Variants in RABGAP1L observed in about 807,000 individuals in gnomAD.
RABGAP1L encodes the protein rab GTPase-activating protein 1-like.
In RABGAP1L, 63 loss-of-function variants were observed where a neutral mutation model predicts 137.7. The observed-to-expected ratio is 0.46, with a 90% CI of 0.37 to 0.56. The LOEUF (loss-of-function observed/expected upper bound fraction) is 0.56, where lower values mean the gene tolerates loss of function less well. Ranked by LOEUF, RABGAP1L falls within the 20% of genes least tolerant of loss-of-function variation. The pLI, the probability that RABGAP1L is intolerant of heterozygous loss-of-function variation, is 0.00. For missense variants in RABGAP1L, 1,095 were observed against 1,244.0 expected (o/e 0.88, Z 1.80); for synonymous variants, 431 against 433.7 (o/e 0.99, Z 0.08).
At chr1:174,789,605 C>T (rs1687705344) in intron 18 of RABGAP1L, among the ~76,000 whole-genome samples, 1 of 151,954 alleles carries the variant, frequency 6.6e-6, no homozygotes, top group Admixed American at 6.6e-5. Flanking sequence ...CTCAGCAAAC[C>T]CACAAGTTAC....
At position 174,982,139 on chromosome 1, in the gene RABGAP1L, A is replaced by T. The variant is rs576099865; in HGVS notation, c.2734-695A>T. Among the ~76,000 whole-genome samples, 13 of 151,858 alleles carry T rather than the reference A, an allele frequency of 8.6e-5. No individual in the cohort carries two copies. In the South Asian group the frequency reaches 2.3e-3, roughly 27 times the overall value. On this transcript the variant is annotated intron_variant, in intron 23 of 25. Transcript: ENST00000681986. ...TTAACTTTGTTTTATCCACTCTGCC[A>T]CCTTTTTTTAATACCTTAAATTCTG...
intron 1 of RABGAP1L, among the ~76,000 whole-genome samples, chr1:174,160,874 A>G (rs1664382013): frequency 6.6e-6 from 1 of 152,190 alleles, no homozygotes; most frequent in African/African-American, 2.4e-5. Flanking sequence ...TTTTGTGATC[A>G]CATTGGAAGT....
rs371399470 is a variant in RABGAP1L at position 174,959,213 on chromosome 1, G to C, written c.2433+1664G>C. 5.8e-4 allele frequency among the ~76,000 whole-genome samples: 89 copies of C among 152,298 alleles called. 1 individual carries two copies. The South Asian group carries it at 0.018, about 32-fold the overall frequency. On this transcript the variant is annotated intron_variant, in intron 20 of 25. Transcript: ENST00000681986. ...CACCAACATCCCCTCAATAAAACCA[G>C]CTTTTAATGTAAATCACATAGCATG...
At chr1:174,174,681 G>C (rs538217674) in intron 1 of RABGAP1L, among the ~76,000 whole-genome samples, 11 of 152,330 alleles carry the variant, frequency 7.2e-5, no homozygotes, top group African/African-American at 1.9e-4. Context: ...TGCAAGTCCT[G>C]GAGTCCAAAG....
At chr1:174,788,206 G>A (rs2148788816) in intron 18 of RABGAP1L, among the ~76,000 whole-genome samples, 1 of 152,306 alleles carries the variant, frequency 6.6e-6, no homozygotes, top group South Asian at 2.1e-4. Flanking sequence ...AAAGTAACCA[G>A]TTCAAGTGAT....
At chr1:174,972,149 T>C (rs1282603599) in intron 21 of RABGAP1L, among the ~76,000 whole-genome samples, 1 of 152,202 alleles carries the variant, frequency 6.6e-6, no homozygotes, top group Admixed American at 6.5e-5. Context: ...CTTTCAGGCC[T>C]TTCCTGTCCT....
intron 17 of RABGAP1L, among the ~76,000 whole-genome samples, chr1:174,741,754 ATG>A (rs1159071868): frequency 7.3e-6 from 1 of 137,362 alleles, no homozygotes; most frequent in Non-Finnish European, 1.5e-5. Context: ...CTACTGGTCT[ATG>A]TGGCTACTTT....
At chr1:174,451,717 A>G (rs1009310126) in intron 13 of RABGAP1L, among the ~76,000 whole-genome samples, 28 of 152,048 alleles carry the variant, frequency 1.8e-4, no homozygotes, top group Middle Eastern at 3.4e-3. Context: ...TTTTTTTCTC[A>G]TCGTAAGTCT....
intron 11 of RABGAP1L, among the ~76,000 whole-genome samples, chr1:174,349,955 G>T (rs1317479619): frequency 7.4e-5 from 10 of 135,172 alleles, no homozygotes; most frequent in Non-Finnish European, 4.9e-5. Context: ...TGGCCGGGTG[G>T]GGGGGCTGAC....
At chr1:174,424,588 T>A (rs964750047) in intron 13 of RABGAP1L, among the ~76,000 whole-genome samples, 1 of 151,992 alleles carries the variant, frequency 6.6e-6, no homozygotes, top group African/African-American at 2.4e-5. Flanking sequence ...TTTATAGAAA[T>A]TGAAAAGGTG....
chr1:174,702,976 G>A (rs1231920683), intron 17 of RABGAP1L, among the ~76,000 whole-genome samples: 1 of 152,050 alleles, frequency 6.6e-6, no homozygotes, highest in East Asian at 1.9e-4. Context: ...ATTTTCAATG[G>A]CAGTATAAAT....
chr1:174,515,341 A>C (rs923752292), intron 13 of RABGAP1L, among the ~76,000 whole-genome samples: 2 of 152,184 alleles, frequency 1.3e-5, no homozygotes, highest in Non-Finnish European at 2.9e-5. Context: ...ATTAGATAGT[A>C]CTTGAGCTAT....
At chr1:174,624,329 T>C (rs1279297692) in intron 13 of RABGAP1L, among the ~76,000 whole-genome samples, 3 of 152,304 alleles carry the variant, frequency 2.0e-5, no homozygotes, top group Admixed American at 6.5e-5. Context: ...ATTGCCCATA[T>C]AGTTTTTTTT....
chr1:174,483,597 T>A (rs1386410592), intron 13 of RABGAP1L, among the ~76,000 whole-genome samples: 1 of 152,150 alleles, frequency 6.6e-6, no homozygotes, highest in Non-Finnish European at 1.5e-5. Context: ...ATCCCAGCAC[T>A]TTGGGAGGCT....
At chr1:174,894,087 A>G (rs555193125) in intron 19 of RABGAP1L, among the ~76,000 whole-genome samples, 22 of 152,334 alleles carry the variant, frequency 1.4e-4, no homozygotes, top group Non-Finnish European at 2.8e-4. Flanking sequence ...TGTGACCACA[A>G]TTTTGATAAT....
intron 13 of RABGAP1L, among the ~76,000 whole-genome samples, chr1:174,422,419 G>T (rs1651427440): frequency 6.6e-6 from 1 of 151,622 alleles, no homozygotes; most frequent in Non-Finnish European, 1.5e-5. Flanking sequence ...ACAGTTTTTA[G>T]GAATAGAAAA....
At chr1:174,359,862 T>C (rs1264907796) in intron 11 of RABGAP1L, among the ~76,000 whole-genome samples, 1 of 152,244 alleles carries the variant, frequency 6.6e-6, no homozygotes, top group Non-Finnish European at 1.5e-5. Flanking sequence ...AATAGATTAA[T>C]GCCTTTAAAA....
intron 7 of RABGAP1L, among the ~76,000 whole-genome samples, chr1:174,271,257 A>G (rs1181695389): frequency 6.6e-6 from 1 of 152,124 alleles, no homozygotes; most frequent in African/African-American, 2.4e-5. Flanking sequence ...TCAAGAACTT[A>G]TAGGAAGTAT....
In RABGAP1L at chr1:174,650,958, T is replaced by C. The variant is rs1346352152; in HGVS notation, c.1824+13470T>C. On this transcript the variant is annotated intron_variant, in intron 14 of 25. Coordinates refer to ENST00000681986, the MANE Select transcript of RABGAP1L (RefSeq NM_001366446.1). ...TCAATTTTGGATCTTTCCTGCTTTC[T>C]CTTGTGGGCATTTAGTGCTATAAAT... Among the ~76,000 whole-genome samples the C allele has an allele frequency of 6.1e-5, 9 of 147,148 alleles. 1 individual carries two copies. The highest frequency in any genetic ancestry group is 1.0e-4 in the African/African-American group (4 of 39,108).
Sources: allele counts gnomAD v4.1 joint callset (sites outside exome capture counted in the v4.1 genomes callset), GRCh38; gene constraint gnomAD v4.1.1; transcripts MANE v1.5; gene names NCBI Gene and HGNC (gene_info 2026-07-23, HGNC 2026-07-21).